The following LRRC31 variants were observed in gnomAD, a reference collection of about 807,000 sequenced individuals.
The protein encoded by LRRC31 is leucine-rich repeat-containing protein 31.
Under a neutral mutation model 46.7 loss-of-function variants are expected in LRRC31, and 35 were observed. That is an observed-to-expected ratio of 0.75 (90% CI 0.57 to 0.99). The LOEUF (loss-of-function observed/expected upper bound fraction) is 0.99. LRRC31 is among the 50% of genes least tolerant of loss of function. The pLI, the probability that LRRC31 is intolerant of heterozygous loss-of-function variation, is 0.00. For synonymous variants in LRRC31, 236 were observed against 235.1 expected (o/e 1.00, Z -0.03); for missense variants, 613 against 626.1 (o/e 0.98, Z 0.22).
chr3:169,861,965 C>G, intron 1 of LRRC31, 152 bp from the exon 2 acceptor site: 2 of 779,844 alleles, frequency 2.6e-6, no homozygotes, highest in Non-Finnish European at 4.0e-6. Context: ...TTACTAGGGA[C>G]AAAGCTTAAC....
chr3:169,840,358 T>A, intron 8 of LRRC31, 45 bp from the exon 9 acceptor site: 1 of 1,585,660 alleles, frequency 6.3e-7, no homozygotes, highest in Non-Finnish European at 8.6e-7. Flanking sequence ...AAGAATACTG[T>A]CTGCCATGGC....
chr3:169,855,942 C>A (rs1780925086), intron 5 of LRRC31, among the ~76,000 whole-genome samples: 1 of 151,938 alleles, frequency 6.6e-6, no homozygotes, highest in Non-Finnish European at 1.5e-5. Context: ...TCTTCTGTCA[C>A]CCACATCGGC....
Position 169,860,726 on chromosome 3 carries a change from C to T in LRRC31, c.322G>A (p.Ala108Thr), listed in dbSNP as rs757498450. ...AAGTCTGGGAGAAAAGGCAGCAAGG[C>T]AACTAGAAGTGAACAGAAGAAAATA... The part of the protein sequence containing the change: ...LTTADMKEMV[A>T]LLPFLPDLEE... The change falls in exon 3 of 9, where the codon GCC (alanine) becomes ACC (threonine). Residue 108 changes from alanine (A) to threonine (T), a missense_variant and splice_region_variant. Transcript: ENST00000316428. 2 of 1,613,718 alleles carry T rather than the reference C, an allele frequency of 1.2e-6. No homozygotes were observed. The highest frequency in any genetic ancestry group is 4.5e-5 in the East Asian group (2 of 44,866).
At chr3:169,840,953 G>A (rs1047141146) in intron 8 of LRRC31, among the ~76,000 whole-genome samples, 6 of 152,192 alleles carry the variant, frequency 3.9e-5, no homozygotes, top group Non-Finnish European at 7.3e-5. Context: ...AGATAACCAC[G>A]GAAAATGGGA....
chr3:169,851,277 G>A (rs1297199443), intron 7 of LRRC31, among the ~76,000 whole-genome samples: 1 of 152,130 alleles, frequency 6.6e-6, no homozygotes, highest in Non-Finnish European at 1.5e-5. Flanking sequence ...GTCAGGTATG[G>A]TGACGTGCAC....
rs1415666697 is a variant in LRRC31, at chr3:169,856,450, T to C, written c.709A>G (p.Arg237Gly). Residue 237 changes from arginine to glycine, a missense_variant, in exon 5 of 9, where the codon AGA becomes GGA. By Grantham distance (125) the Arg-to-Gly change is moderately radical (BLOSUM62 -2). Transcript: ENST00000316428. ...SLEVLDLSIN[R>G]DIVGSLNSIA... ...CTGTTCAGACTGCCAACAATGTCTC[T>C]GTTAATGGAAAGATCAAGTACTTCG... 1.2e-6 allele frequency: 2 copies of C among 1,606,386 alleles called. No individual in the cohort carries two copies. The highest frequency in any genetic ancestry group is 1.1e-5 in the South Asian group (1 of 89,726).
intron 1 of LRRC31, among the ~76,000 whole-genome samples, chr3:169,868,604 T>C (rs1475697414): frequency 6.6e-6 from 1 of 152,136 alleles, no homozygotes; most frequent in African/African-American, 2.4e-5. Flanking sequence ...AGAACATAAA[T>C]GCATGCATAT....
At chr3:169,844,930 C>CAAAAAAAA (rs59099192) in intron 8 of LRRC31, among the ~76,000 whole-genome samples, 2 of 99,622 alleles carry the variant, frequency 2.0e-5, no homozygotes, top group Admixed American at 9.9e-5. Context: ...GACTCCATCT[C>CAAAAAAAA]AAAAAAAAAA....
At chr3:169,847,421 G>C (rs1324057068) in intron 8 of LRRC31, among the ~76,000 whole-genome samples, 1 of 152,228 alleles carries the variant, frequency 6.6e-6, no homozygotes. Flanking sequence ...CTGACCTCAA[G>C]TGATCCGCCA....
chr3:169,851,633 G>C lies in LRRC31; in HGVS notation c.1145C>G (p.Thr382Ser). ...VINNCALESE[T>S]FTALAEASVH... ...AAATCTCTTACCAAGAGCTGTAAAAGTCTCACTCTCCAAAGCACAGTTGTT... is the reference window on the plus strand; with the variant it reads ...AAATCTCTTACCAAGAGCTGTAAAACTCTCACTCTCCAAAGCACAGTTGTT... The change falls in exon 7 of 9, where the codon ACT becomes AGT. Residue 382 changes from threonine to serine, a missense_variant. Thr to Ser is a moderately conservative substitution (Grantham distance 58). Coordinates refer to ENST00000316428, the MANE Select transcript of LRRC31 (RefSeq NM_024727.4). The C allele has an allele frequency of 6.2e-7, 1 of 1,613,828 alleles. No individual in the cohort carries two copies. Among genetic ancestry groups the C allele is most frequent in the South Asian group, 1.1e-5 (1 of 91,026 alleles).
intron 6 of LRRC31, 96 bp from the exon 7 acceptor site, chr3:169,851,882 A>G (rs896866422): frequency 1.6e-6 from 2 of 1,256,326 alleles, no homozygotes; most frequent in South Asian, 2.7e-5. Flanking sequence ...CTGTCAGTCA[A>G]TACAGCTCTC....
At chr3:169,847,051 C>T (rs1055677437) in intron 8 of LRRC31, among the ~76,000 whole-genome samples, 2 of 152,084 alleles carry the variant, frequency 1.3e-5, no homozygotes, top group African/African-American at 4.8e-5. Flanking sequence ...TTGGGAGGCG[C>T]GCTCATTGCT....
intron 1 of LRRC31, among the ~76,000 whole-genome samples, chr3:169,864,226 T>C (rs1429790308): frequency 1.3e-5 from 2 of 152,080 alleles, no homozygotes; most frequent in Non-Finnish European, 2.9e-5. Flanking sequence ...GGTTTCCACT[T>C]GCTGGCCCAA....
In LRRC31 at chr3:169,854,826, G is replaced by T; in HGVS notation, c.978C>A (p.Asp326Glu). 1 of 1,611,956 alleles carries T rather than the reference G, an allele frequency of 6.2e-7. No homozygotes were observed. Among genetic ancestry groups the T allele is most frequent in the Non-Finnish European group, 8.5e-7 (1 of 1,178,430 alleles). Residue 326 changes from aspartate (D) to glutamate (E), a missense_variant, in exon 6 of 9, where the codon GAC becomes GAA. Physicochemically the swap from Asp to Glu is conservative, Grantham distance 45. Coordinates refer to ENST00000316428, the MANE Select transcript of LRRC31 (RefSeq NM_024727.4). ...ATATATACTTACTCAGTGACATCAC[G>T]TCATCTGCTGTTAGTGAGCACTGGT... The part of the protein sequence containing the change: ...DLHQCSLTAD[D>E]VMSLTQVIPL...
chr3:169,844,945 AAAAC>A (rs1339246817), intron 8 of LRRC31, among the ~76,000 whole-genome samples: 27 of 150,740 alleles, frequency 1.8e-4, no homozygotes, highest in African/African-American at 2.2e-4. Flanking sequence ...AAAAAAAAAA[AAAAC>A]AAAACAAAAC....
rs374738133 is a variant in LRRC31, at chr3:169,851,774, G to T, written c.1004C>A (p.Pro335His). The stretch of plus-strand genomic sequence containing the variant: ...CAATTCTTGAAGATTTGAAAGTAAA[G>T]GAATGACCTGGGCTGTTAAAAATAT... ...DDVMSLTQVI[P>H]LLSNLQELDL... Residue 335 changes from proline to histidine, a missense_variant, in exon 7 of 9, where the codon CCT becomes CAT. Pro to His is a moderately conservative substitution (Grantham distance 77). Transcript: ENST00000316428. 1 of 1,614,084 alleles carries T rather than the reference G, an allele frequency of 6.2e-7. No individual in the cohort carries two copies. Among genetic ancestry groups the T allele is most frequent in the South Asian group, 1.1e-5 (1 of 91,072 alleles).
chr3:169,841,666 T>G (rs184771659), intron 8 of LRRC31, among the ~76,000 whole-genome samples: 1 of 152,242 alleles, frequency 6.6e-6, no homozygotes, highest in African/African-American at 2.4e-5. Context: ...TGGACCACCA[T>G]GTACCCATCA....
At position 169,840,013 on chromosome 3, in the gene LRRC31, C is replaced by T. The variant is rs1286036845; in HGVS notation, c.1628G>A (p.Ser543Asn). Residue 543 changes from serine (S) to asparagine (N), a missense_variant, in exon 9 of 9, where the codon AGC (serine) becomes AAC (asparagine). Coordinates refer to ENST00000316428, the MANE Select transcript of LRRC31 (RefSeq NM_024727.4). ...LECFDQDKKR[S>N]IHFDHGGFQ ...AAACCCACCATGGTCAAAGTGAATGCTTCTTTTTTTATCTTGGTCAAAGCA... is the reference window on the plus strand; with the variant it reads ...AAACCCACCATGGTCAAAGTGAATGTTTCTTTTTTTATCTTGGTCAAAGCA... The T allele has an allele frequency of 5.0e-6, 8 of 1,613,150 alleles. No individual in the cohort carries two copies. The highest frequency in any genetic ancestry group is 6.8e-6 in the Non-Finnish European group (8 of 1,179,698).
chr3:169,844,578 G>T (rs1286675792), intron 8 of LRRC31, among the ~76,000 whole-genome samples: 2 of 152,054 alleles, frequency 1.3e-5, no homozygotes, highest in African/African-American at 4.8e-5. Flanking sequence ...ACATCTATTG[G>T]AAATCTAGCC....
Sources: gnomAD v4.1 joint callset for allele counts (sites outside exome capture counted in the v4.1 genomes callset) on GRCh38, gnomAD v4.1.1 for gene constraint, MANE v1.5 for transcripts, NCBI Gene and HGNC (gene_info 2026-07-23, HGNC 2026-07-21) for gene names.